Variants in UGGT2 observed in about 807,000 individuals in gnomAD.
UGGT2 encodes the protein UDP-glucose glycoprotein glucosyltransferase 2.
UGGT2 carries 180 observed loss-of-function variants against 192.1 expected under a neutral mutation model. The ratio of observed to expected loss-of-function variants is 0.94; its 90% confidence interval spans 0.83 to 1.06. UGGT2 has a LOEUF of 1.06. Ranked by LOEUF, UGGT2 falls within the 50% of genes least tolerant of loss-of-function variation. UGGT2 has a pLI of 0.00. For synonymous variants in UGGT2, 580 were observed against 591.0 expected (o/e 0.98, Z 0.27); for missense variants, 1,849 against 1,795.7 (o/e 1.03, Z -0.54).
chr13:96,003,878 G>T (rs1247951424), intron 5 of UGGT2, among the ~76,000 whole-genome samples: 1 of 152,102 alleles, frequency 6.6e-6, no homozygotes, highest in Non-Finnish European at 1.5e-5. Context: ...ATTTTGAGAA[G>T]ATTTGTTACA....
At chr13:96,006,458 C>A (rs1439210027) in intron 5 of UGGT2, among the ~76,000 whole-genome samples, 3 of 151,734 alleles carry the variant, frequency 2.0e-5, no homozygotes, top group Admixed American at 2.0e-4. Flanking sequence ...AACCATGTCT[C>A]TACTAAAAAT....
In UGGT2 at chr13:95,886,000, T is replaced by C. The variant is rs571593515; in HGVS notation, c.3039-1320A>G. The stretch of plus-strand genomic sequence containing the variant: ...GTTAAGGGAGCAACTTTTAAAAAAA[T>C]TGAATAACTTTAAGGACTGAATGAA... On this transcript the variant is annotated intron_variant, in intron 26 of 38. Coordinates refer to ENST00000376747, the MANE Select transcript of UGGT2 (RefSeq NM_020121.4). Among the ~76,000 whole-genome samples the C allele has an allele frequency of 1.8e-4, 28 of 152,100 alleles. No individual in the cohort carries two copies. The East Asian group carries it at 3.3e-3, about 18-fold the overall frequency.
intron 36 of UGGT2, among the ~76,000 whole-genome samples, chr13:95,843,579 ATCTTCTAAACAT>A (rs1390340925): frequency 1.3e-5 from 2 of 152,108 alleles, no homozygotes; most frequent in East Asian, 3.9e-4. Context: ...ATTTTCTCCT[ATCTTCTAAACAT>A]TTTATATTGT....
chr13:95,931,856 G>A (rs1360506521), intron 17 of UGGT2, among the ~76,000 whole-genome samples: 9 of 151,014 alleles, frequency 6.0e-5, no homozygotes, highest in South Asian at 4.2e-4. Flanking sequence ...AGCCGGCTCC[G>A]GCCTCGGACA....
At chr13:95,837,967 A>G (rs749934506) in intron 36 of UGGT2, among the ~76,000 whole-genome samples, 1 of 152,222 alleles carries the variant, frequency 6.6e-6, no homozygotes, top group African/African-American at 2.4e-5. Flanking sequence ...AGCAAATGCA[A>G]TAAGACAAGA....
intron 20 of UGGT2, among the ~76,000 whole-genome samples, chr13:95,919,337 T>A (rs1263511906): frequency 6.6e-6 from 1 of 152,190 alleles, no homozygotes; most frequent in Non-Finnish European, 1.5e-5. Flanking sequence ...TCACCACTCC[T>A]ATTCAACACA....
intron 37 of UGGT2, among the ~76,000 whole-genome samples, chr13:95,835,056 A>G (rs1887142112): frequency 1.3e-5 from 2 of 152,234 alleles, no homozygotes; most frequent in South Asian, 4.1e-4. Context: ...ACATGTAATC[A>G]ATACAAAAAT....
intron 30 of UGGT2, among the ~76,000 whole-genome samples, chr13:95,865,021 G>A (rs150195047): frequency 1.6e-3 from 247 of 152,244 alleles, no homozygotes; most frequent in African/African-American, 5.5e-3. Context: ...TAAGTATTTT[G>A]AAAATGAAAT....
chr13:96,042,955 G>A (rs191601340), intron 1 of UGGT2, among the ~76,000 whole-genome samples: 2 of 152,228 alleles, frequency 1.3e-5, no homozygotes, highest in Admixed American at 1.3e-4. Flanking sequence ...GAATAATTGA[G>A]GAAAACTTCC....
intron 38 of UGGT2, among the ~76,000 whole-genome samples, chr13:95,826,273 T>C (rs142367751): frequency 5.3e-5 from 8 of 152,216 alleles, no homozygotes; most frequent in Non-Finnish European, 7.4e-5. Context: ...CGGGGAAACA[T>C]AGAAGTTGGT....
Position 95,860,884 on chromosome 13 carries a change from C to T in UGGT2, c.3645-1G>A, listed in dbSNP as rs1317470954. On this transcript the variant is annotated splice_acceptor_variant, in intron 31 of 38. Coordinates refer to ENST00000376747, the MANE Select transcript of UGGT2 (RefSeq NM_020121.4). LOFTEE classifies it high-confidence loss of function. ...TTCTTTATGCAAGCTTACTGTGAAA[C>T]TTGGAATAAAAAAGTAATTGACATT... 1 of 1,538,452 alleles carries T rather than the reference C, an allele frequency of 6.5e-7. No individual in the cohort carries two copies. Among genetic ancestry groups the T allele is most frequent in the East Asian group, 2.3e-5 (1 of 42,818 alleles).
intron 15 of UGGT2, 78 bp from the exon 16 acceptor site, chr13:95,940,169 G>T (rs1270320949): frequency 8.6e-7 from 1 of 1,157,428 alleles, no homozygotes; most frequent in Non-Finnish European, 1.2e-6. Flanking sequence ...CATGCAGATA[G>T]ATTTTTATTT....
intron 36 of UGGT2, among the ~76,000 whole-genome samples, chr13:95,848,242 C>CA (rs1031610433): frequency 1.3e-5 from 2 of 151,864 alleles, no homozygotes; most frequent in African/African-American, 4.8e-5. Flanking sequence ...ATATTTTTGC[C>CA]AAAAAAACTT....
intron 32 of UGGT2, 73 bp downstream of exon 32, chr13:95,860,715 C>G: frequency 9.8e-7 from 1 of 1,015,960 alleles, no homozygotes; most frequent in Non-Finnish European, 1.4e-6. Flanking sequence ...GTGTATATTC[C>G]TTTATTTTTT....
intron 20 of UGGT2, among the ~76,000 whole-genome samples, chr13:95,907,398 G>C (rs1169472413): frequency 1.3e-5 from 2 of 152,346 alleles, no homozygotes; most frequent in Non-Finnish European, 2.9e-5. Flanking sequence ...GCTCTGAAGA[G>C]AGCAATGCTT....
At chr13:95,858,017 T>C (rs1202515004) in intron 33 of UGGT2, among the ~76,000 whole-genome samples, 2 of 147,570 alleles carry the variant, frequency 1.4e-5, no homozygotes, top group Non-Finnish European at 3.0e-5. Context: ...TTTTTTTTCC[T>C]ACTGTCAAAT....
chr13:96,021,378 C>T (rs1213587764), intron 4 of UGGT2, among the ~76,000 whole-genome samples: 4 of 152,092 alleles, frequency 2.6e-5, no homozygotes, highest in African/African-American at 7.2e-5. Context: ...AAATTTTAAA[C>T]ATTACAAAAT....
intron 5 of UGGT2, among the ~76,000 whole-genome samples, chr13:96,000,575 A>G (rs1480089646): frequency 6.6e-6 from 1 of 152,246 alleles, no homozygotes. Flanking sequence ...TAACAGCTCA[A>G]TTTAAAACTA....
At chr13:95,809,283 T>C in intron 38 of UGGT2, 1 of 527,712 alleles carries the variant, frequency 1.9e-6, no homozygotes, top group South Asian at 1.4e-5. Flanking sequence ...CAGGAACCAC[T>C]GATAAGACAT....
Sources: gnomAD v4.1 joint callset for allele counts (sites outside exome capture counted in the v4.1 genomes callset) on GRCh38, gnomAD v4.1.1 for gene constraint, MANE v1.5 for transcripts, NCBI Gene and HGNC (gene_info 2026-07-23, HGNC 2026-07-21) for gene names.